Variants in NCAPG2 observed in about 807,000 individuals in gnomAD.
The protein encoded by NCAPG2 is non-SMC condensin II complex subunit G2.
NCAPG2 carries 53 observed loss-of-function variants against 141.1 expected under a neutral mutation model. The observed-to-expected ratio is 0.38, with a 90% CI of 0.30 to 0.47. The LOEUF is 0.47. Ranked by LOEUF, NCAPG2 falls within the 20% of genes least tolerant of loss-of-function variation. NCAPG2 has a pLI of 0.99. For synonymous variants in NCAPG2, 499 were observed against 490.7 expected, an observed-to-expected ratio of 1.02 and a Z score of -0.22; for missense variants, 1,087 against 1,389.0, an observed-to-expected ratio of 0.78 and a Z score of 3.46.
rs548918153 is a variant in NCAPG2, at chr7:158,693,465, T to A, written c.111A>T (p.Glu37Asp). Residue 37 changes from glutamate (E) to aspartate (D), a missense_variant, in exon 3 of 28, where the codon GAA becomes GAT. Transcript: ENST00000356309. The stretch of plus-strand genomic sequence containing the variant: ...GTTTCCTTGATAATTCATCTAGTAA[T>A]TCATTTAGGCTGAAAGGATCAGAGG... ...KEASDPFSLN[E>D]LLDELSRKQK... The A allele has an allele frequency of 6.2e-7, 1 of 1,613,960 alleles. No homozygotes were observed. Among genetic ancestry groups the A allele is most frequent in the South Asian group, 1.1e-5 (1 of 91,082 alleles).
intron 13 of NCAPG2, among the ~76,000 whole-genome samples, chr7:158,669,767 T>TAAAAA (rs1563545647): frequency 9.8e-5 from 2 of 20,462 alleles, no homozygotes; most frequent in Non-Finnish European, 1.5e-4. Flanking sequence ...AGACTCTGTC[T>TAAAAA]CAAAAAAAAA....
chr7:158,644,843 C>A (rs1273016834), intron 26 of NCAPG2, among the ~76,000 whole-genome samples: 1 of 152,128 alleles, frequency 6.6e-6, no homozygotes, highest in Non-Finnish European at 1.5e-5. Flanking sequence ...AAGGAGTATT[C>A]TTATCAATCT....
chr7:158,645,655 T>C (rs760646678), intron 25 of NCAPG2, 36 bp from the exon 26 acceptor site: 1 of 1,563,276 alleles, frequency 6.4e-7, no homozygotes, highest in Admixed American at 1.7e-5. Flanking sequence ...AATTACTGTA[T>C]CATATAGACC....
chr7:158,647,990 G>T (rs1444530949), intron 24 of NCAPG2, among the ~76,000 whole-genome samples: 1 of 152,106 alleles, frequency 6.6e-6, no homozygotes, highest in Non-Finnish European at 1.5e-5. Flanking sequence ...GGCCTAGACA[G>T]CACTTCCAAT....
chr7:158,641,366 C>T (rs1177431077), intron 27 of NCAPG2: 5 of 416,958 alleles, frequency 1.2e-5, no homozygotes, highest in Non-Finnish European at 2.1e-5. Flanking sequence ...AAAAACATGA[C>T]CCATTTATAT....
intron 4 of NCAPG2, among the ~76,000 whole-genome samples, chr7:158,691,052 A>G (rs1006969607): frequency 2.0e-5 from 3 of 152,226 alleles, no homozygotes; most frequent in Admixed American, 6.5e-5. Context: ...AACAACACCA[A>G]TGGTATCTCT....
chr7:158,677,354 G>C (rs1354162422), intron 11 of NCAPG2, among the ~76,000 whole-genome samples: 1 of 151,966 alleles, frequency 6.6e-6, no homozygotes, highest in Non-Finnish European at 1.5e-5. Context: ...TCCTCCTGCT[G>C]TTGCACTCTG....
intron 6 of NCAPG2, among the ~76,000 whole-genome samples, chr7:158,688,025 T>C (rs1834881459): frequency 6.6e-6 from 1 of 152,212 alleles, no homozygotes; most frequent in Non-Finnish European, 1.5e-5. Flanking sequence ...CTTCATACTC[T>C]ATAGAGTGCA....
intron 13 of NCAPG2, chr7:158,665,505 G>A (rs997509626): frequency 1.3e-5 from 2 of 152,204 alleles, no homozygotes; most frequent in East Asian, 1.9e-4. Flanking sequence ...CATGGTGAGC[G>A]AAACCCTCGA....
At chr7:158,675,763 G>A (rs2129466200) in intron 11 of NCAPG2, 107 bp from the exon 12 acceptor site, 3 of 1,185,854 alleles carry the variant, frequency 2.5e-6, no homozygotes, top group East Asian at 2.6e-5. Flanking sequence ...GAGAAACTTT[G>A]AGCATAGAAA....
At chr7:158,652,220 G>T in intron 23 of NCAPG2, 73 bp downstream of exon 23, 1 of 1,422,162 alleles carries the variant, frequency 7.0e-7, no homozygotes. Flanking sequence ...AGCCAGGGCT[G>T]ATGCATCTGT....
chr7:158,635,679 C>T (rs1409162493), intron 27 of NCAPG2, among the ~76,000 whole-genome samples: 2 of 151,418 alleles, frequency 1.3e-5, no homozygotes. Flanking sequence ...TCGGATGAGG[C>T]AATTAAAATG....
chr7:158,683,253 A>G (rs1460278429), intron 9 of NCAPG2, 47 bp downstream of exon 9: 2 of 1,375,980 alleles, frequency 1.5e-6, no homozygotes. Context: ...ATCTAAAAAC[A>G]AAACAGAGGA....
intron 27 of NCAPG2, among the ~76,000 whole-genome samples, chr7:158,634,391 T>G (rs1428060234): frequency 6.6e-6 from 1 of 152,184 alleles, no homozygotes; most frequent in Non-Finnish European, 1.5e-5. Flanking sequence ...CTATATACTA[T>G]ATTGTTTATC....
At chr7:158,660,162 C>A (rs1832369452) in intron 16 of NCAPG2, among the ~76,000 whole-genome samples, 1 of 151,874 alleles carries the variant, frequency 6.6e-6, no homozygotes, top group African/African-American at 2.4e-5. Flanking sequence ...TGGCCAATTC[C>A]ATCTGTGTGG....
chr7:158,664,251 T>A lies in NCAPG2; in HGVS notation c.1748A>T (p.Gln583Leu), dbSNP rs767030905. ...VIRHCLNACI[Q>L]RAVREPPEDE... ...CTCTGGAGGCTCTCTCACTGCCCTC[T>A]GGATACAGGCATTTAAGCAATGACG... Residue 583 changes from glutamine (Q) to leucine (L), a missense_variant, in exon 15 of 28, where the codon CAG becomes CTG. Coordinates refer to ENST00000356309, the MANE Select transcript of NCAPG2 (RefSeq NM_017760.7). 1 of 1,614,068 alleles carries A rather than the reference T, an allele frequency of 6.2e-7. No individual in the cohort carries two copies. Among genetic ancestry groups the A allele is most frequent in the Non-Finnish European group, 8.5e-7 (1 of 1,179,882 alleles).
intron 9 of NCAPG2, 130 bp from the exon 10 acceptor site, chr7:158,680,946 T>C (rs1834418263): frequency 1.7e-6 from 1 of 594,930 alleles, no homozygotes; most frequent in Non-Finnish European, 2.8e-6. Flanking sequence ...GGCATCCACA[T>C]GTCATGACAA....
chr7:158,672,265 G>A (rs552496941), intron 12 of NCAPG2, among the ~76,000 whole-genome samples: 370 of 122,246 alleles, frequency 3.0e-3, no homozygotes, highest in Non-Finnish European at 5.2e-3. Flanking sequence ...AGTATATACG[G>A]TATTCCAAAC....
At chr7:158,657,920 A>T (rs1368535619) in intron 17 of NCAPG2, among the ~76,000 whole-genome samples, 1 of 151,996 alleles carries the variant, frequency 6.6e-6, no homozygotes. Flanking sequence ...AGGGCGGTGC[A>T]AGATGTGCTT....
Sources: allele counts gnomAD v4.1 joint callset (sites outside exome capture counted in the v4.1 genomes callset), GRCh38; gene constraint gnomAD v4.1.1; transcripts MANE v1.5; gene names NCBI Gene and HGNC (gene_info 2026-07-23, HGNC 2026-07-21).